Variants in PLAG1 observed in about 807,000 individuals in gnomAD.
The protein encoded by PLAG1 is zinc finger protein PLAG1.
In PLAG1, 7 loss-of-function variants were observed where a neutral mutation model predicts 35.5. The observed-to-expected ratio is 0.20, with a 90% CI of 0.11 to 0.37. The LOEUF is 0.37. Among genes scored for constraint, PLAG1 ranks in the 10% least tolerant of loss-of-function variants. The pLI, the probability that PLAG1 is intolerant of heterozygous loss-of-function variation, is 1.00. For missense variants in PLAG1, 454 were observed against 602.8 expected, an observed-to-expected ratio of 0.75 and a Z score of 2.58; for synonymous variants, 229 against 225.4, an observed-to-expected ratio of 1.02 and a Z score of -0.14.
In PLAG1 at chr8:56,163,678, TATACACACACACACACACAC is replaced by T. The variant is rs1811273224; in HGVS notation, c.*2545_*2564del. The T allele has an allele frequency of 5.3e-6, 1 of 190,410 alleles. No individual in the cohort carries two copies. The highest frequency in any genetic ancestry group is 8.3e-5 in the East Asian group (1 of 12,104). 11.8% of individuals were successfully genotyped at this position (190,410 alleles called of 1,614,324 possible). Reference sequence around the variant, plus strand: ...TTAAGTATGTGTGTGTGTGTGTATATATACACACACACACACACACATACACATACATACATATATGGCGC... The same window carrying T: ...TTAAGTATGTGTGTGTGTGTGTATATATACACATACATACATATATGGCGC... On this transcript the variant is annotated 3_prime_UTR_variant, in exon 5 of 5. Transcript: ENST00000316981.
At chr8:56,199,847 G>A (rs1011901731) in intron 1 of PLAG1, among the ~76,000 whole-genome samples, 4 of 152,172 alleles carry the variant, frequency 2.6e-5, no homozygotes, top group Non-Finnish European at 5.9e-5. Context: ...TGGTGAGAGG[G>A]TTATAGGAGA....
At chr8:56,189,300 C>G (rs748142879) in intron 1 of PLAG1, among the ~76,000 whole-genome samples, 13 of 152,194 alleles carry the variant, frequency 8.5e-5, no homozygotes, top group Non-Finnish European at 1.5e-4. Context: ...CTCCTGCAAT[C>G]AAGAAGACAT....
chr8:56,186,302 G>A (rs1306441762), intron 1 of PLAG1, among the ~76,000 whole-genome samples: 1 of 152,142 alleles, frequency 6.6e-6, no homozygotes, highest in South Asian at 2.1e-4. Flanking sequence ...GTGTGCCTTT[G>A]TTGGTCTCCG....
At chr8:56,195,382 C>A (rs955339865) in intron 1 of PLAG1, among the ~76,000 whole-genome samples, 1 of 152,186 alleles carries the variant, frequency 6.6e-6, no homozygotes, top group Admixed American at 6.5e-5. Flanking sequence ...ACAGTCAGCA[C>A]AGGGCAAGCA....
At chr8:56,185,289 G>T (rs1811989909) in intron 1 of PLAG1, among the ~76,000 whole-genome samples, 1 of 152,112 alleles carries the variant, frequency 6.6e-6, no homozygotes, top group African/African-American at 2.4e-5. Flanking sequence ...GTTGACAATG[G>T]TGATGGTTTC....
At position 56,167,208 on chromosome 8, in the gene PLAG1, C is replaced by T; in HGVS notation, c.538G>A (p.Val180Ile). 1.2e-5 allele frequency: 19 copies of T among 1,614,004 alleles called. No homozygotes were observed. The highest frequency in any genetic ancestry group is 1.6e-5 in the Non-Finnish European group (19 of 1,179,986). ...KSHAGKSSGG[V>I]KEKKHQCEHC... ...TCGCACTGGTGCTTTTTTTCTTTAA[C>T]CCCACCAGACGACTTGCCTGCATGA... Residue 180 changes from valine (V) to isoleucine (I), a missense_variant, in exon 5 of 5, where the codon GTT becomes ATT. Physicochemically the swap from Val to Ile is conservative, Grantham distance 29. Transcript: ENST00000316981. This position sits in a 1 kb window ranked among gnomAD's most constrained non-coding sequence, Gnocchi z 5.9.
intron 3 of PLAG1, among the ~76,000 whole-genome samples, chr8:56,170,007 T>C (rs1811472777): frequency 6.6e-6 from 1 of 152,272 alleles, no homozygotes; most frequent in Non-Finnish European, 1.5e-5. Flanking sequence ...CCAGTTATAC[T>C]TTCGCAGGAG....
At chr8:56,177,759 G>A (rs997411946) in intron 2 of PLAG1, among the ~76,000 whole-genome samples, 10 of 152,124 alleles carry the variant, frequency 6.6e-5, no homozygotes, top group Non-Finnish European at 1.3e-4. Context: ...CTATGTTTCA[G>A]GTCTCCTGAA....
At chr8:56,196,815 GTCTC>G (rs991027250) in intron 1 of PLAG1, among the ~76,000 whole-genome samples, 4 of 151,960 alleles carry the variant, frequency 2.6e-5, no homozygotes, top group Non-Finnish European at 5.9e-5. Flanking sequence ...CTATGCATGT[GTCTC>G]TCTCTCTCCC....
chr8:56,191,564 A>G (rs145247177), intron 1 of PLAG1, among the ~76,000 whole-genome samples: 56 of 152,326 alleles, frequency 3.7e-4, no homozygotes, highest in Non-Finnish European at 7.2e-4. Context: ...TAGATTCTCA[A>G]TTGACATTGC....
chr8:56,172,873 T>TA (rs1811571480), intron 2 of PLAG1, among the ~76,000 whole-genome samples: 1 of 152,130 alleles, frequency 6.6e-6, no homozygotes, highest in South Asian at 2.1e-4. Context: ...CAAAAGGAAA[T>TA]AAATTTAAGA....
intron 1 of PLAG1, among the ~76,000 whole-genome samples, chr8:56,202,356 A>C (rs1440181830): frequency 1.3e-5 from 2 of 152,222 alleles, no homozygotes; most frequent in Non-Finnish European, 2.9e-5. Flanking sequence ...AAAGCACAGA[A>C]AACTAGTCTA....
At chr8:56,185,040 T>C (rs977979991) in intron 1 of PLAG1, among the ~76,000 whole-genome samples, 1 of 152,224 alleles carries the variant, frequency 6.6e-6, no homozygotes, top group African/African-American at 2.4e-5. Flanking sequence ...GAATAAGCTA[T>C]TGATACATAC....
intron 1 of PLAG1, among the ~76,000 whole-genome samples, chr8:56,205,374 T>A (rs1434620275): frequency 1.3e-5 from 2 of 151,974 alleles, no homozygotes; most frequent in East Asian, 3.9e-4. Flanking sequence ...CCATTACAAA[T>A]TATTCTTAGA....
chr8:56,198,663 C>CT (rs1812455861), intron 1 of PLAG1, among the ~76,000 whole-genome samples: 1 of 152,192 alleles, frequency 6.6e-6, no homozygotes, highest in Non-Finnish European at 1.5e-5. Context: ...TGGAGCGTCC[C>CT]TTCAGGTCAC....
intron 1 of PLAG1, among the ~76,000 whole-genome samples, chr8:56,195,116 T>C (rs1563390025): frequency 6.6e-6 from 1 of 152,204 alleles, no homozygotes; most frequent in Non-Finnish European, 1.5e-5. Flanking sequence ...AGACTATTAT[T>C]ATCATAATTA....
chr8:56,203,420 G>A (rs753695236), intron 1 of PLAG1, among the ~76,000 whole-genome samples: 7 of 151,964 alleles, frequency 4.6e-5, no homozygotes, highest in East Asian at 1.9e-4. Context: ...CTTTCAAAAC[G>A]TAATATATGC....
Position 56,167,086 on chromosome 8 carries a change from C to A in PLAG1, c.660G>T (p.Gln220His). Residue 220 changes from glutamine to histidine, a missense_variant, in exon 5 of 5, where the codon CAG becomes CAT. Physicochemically the swap from Gln to His is conservative, Grantham distance 24 (BLOSUM62 0). Transcript: ENST00000316981. The surrounding 1 kb of genome is among the most constrained non-coding windows in gnomAD (Gnocchi z 5.9). ...TCAGGTGATCCTTTCGCCCAAATCT[C>A]TGTGCACAATACTGACAGAGGAAGT... ...RKDFLCQYCA[Q>H]RFGRKDHLTR... is the part of the protein sequence containing the mutation. 2 of 1,614,166 alleles carry A rather than the reference C, an allele frequency of 1.2e-6. No individual in the cohort carries two copies. The highest frequency in any genetic ancestry group is 1.7e-6 in the Non-Finnish European group (2 of 1,180,012).
intron 1 of PLAG1, among the ~76,000 whole-genome samples, chr8:56,185,296 T>C (rs1211342707): frequency 2.6e-5 from 4 of 152,118 alleles, no homozygotes; most frequent in Non-Finnish European, 5.9e-5. Context: ...ATGGTGATGG[T>C]TTCAGGGACG....
Sources: allele counts gnomAD v4.1 joint callset (sites outside exome capture counted in the v4.1 genomes callset), GRCh38; gene constraint gnomAD v4.1.1; non-coding constraint Gnocchi (gnomAD v3.1); transcripts MANE v1.5; gene names NCBI Gene and HGNC (gene_info 2026-07-23, HGNC 2026-07-21).